The following DCC variants were observed in gnomAD, a reference collection of about 807,000 sequenced individuals.
DCC encodes the protein DCC netrin 1 receptor.
DCC carries 58 observed loss-of-function variants against 172.5 expected under a neutral mutation model. That is an observed-to-expected ratio of 0.34 (90% CI 0.27 to 0.42). DCC has a LOEUF of 0.42. DCC is among the 10% of genes least tolerant of loss of function. The pLI is 1.00. For synonymous variants in DCC, 709 were observed against 644.5 expected (o/e 1.10, Z -1.52); for missense variants, 1,740 against 1,791.0 (o/e 0.97, Z 0.51).
chr18:53,232,472 A>G (rs2056137451), intron 12 of DCC, among the ~76,000 whole-genome samples: 1 of 152,184 alleles, frequency 6.6e-6, no homozygotes, highest in Non-Finnish European at 1.5e-5. Context: ...TATTTCATGA[A>G]TGATGCTGAC....
At chr18:52,366,898 C>T (rs547280065) in intron 1 of DCC, among the ~76,000 whole-genome samples, 14 of 152,368 alleles carry the variant, frequency 9.2e-5, no homozygotes, top group Non-Finnish European at 8.8e-5. Context: ...CCGTGCCGTG[C>T]GCTCGCACTC....
chr18:52,543,872 G>A (rs2032535802), intron 1 of DCC, among the ~76,000 whole-genome samples: 1 of 152,204 alleles, frequency 6.6e-6, no homozygotes, highest in South Asian at 2.1e-4. Flanking sequence ...ATCAGAACCA[G>A]TTTCTGTAGT....
intron 21 of DCC, among the ~76,000 whole-genome samples, chr18:53,432,964 A>G (rs1413592136): frequency 6.6e-6 from 1 of 152,126 alleles, no homozygotes; most frequent in Admixed American, 6.6e-5. Context: ...GTGAATCACT[A>G]TAAATCTAAA....
intron 13 of DCC, among the ~76,000 whole-genome samples, chr18:53,306,214 A>G (rs1037654912): frequency 1.1e-4 from 16 of 152,234 alleles, no homozygotes; most frequent in African/African-American, 3.6e-4. Context: ...GATAGAATTC[A>G]GAGTAGATCA....
chr18:53,030,408 A>T (rs1012687044), intron 5 of DCC, among the ~76,000 whole-genome samples: 1 of 152,104 alleles, frequency 6.6e-6, no homozygotes, highest in African/African-American at 2.4e-5. Flanking sequence ...ACTCTTCAAC[A>T]TAAAGAACAG....
At chr18:53,029,537 A>G (rs138004615) in intron 5 of DCC, among the ~76,000 whole-genome samples, 1 of 152,144 alleles carries the variant, frequency 6.6e-6, no homozygotes, top group Non-Finnish European at 1.5e-5. Flanking sequence ...CCTTTACCAT[A>G]CTTCATGGAA....
chr18:52,739,727 T>G (rs2036788096), intron 1 of DCC, among the ~76,000 whole-genome samples: 1 of 152,226 alleles, frequency 6.6e-6, no homozygotes, highest in East Asian at 1.9e-4. Context: ...TCAGAGGCCA[T>G]GTGAATGCCG....
At chr18:53,483,349 G>A (rs958730605) in intron 25 of DCC, among the ~76,000 whole-genome samples, 1 of 151,750 alleles carries the variant, frequency 6.6e-6, no homozygotes, top group African/African-American at 2.4e-5. Context: ...GAAAAACTAT[G>A]TATCCCCTCA....
intron 1 of DCC, among the ~76,000 whole-genome samples, chr18:52,551,977 G>T (rs1170851041): frequency 6.6e-6 from 1 of 151,884 alleles, no homozygotes; most frequent in African/African-American, 2.4e-5. Context: ...GGGGGGTATT[G>T]ATGCATGTAA....
chr18:52,399,828 ATT>A (rs1313826417), intron 1 of DCC, among the ~76,000 whole-genome samples: 3 of 152,010 alleles, frequency 2.0e-5, no homozygotes, highest in Non-Finnish European at 4.4e-5. Context: ...TCTTATTCTT[ATT>A]AATATCGTTA....
At position 52,432,665 on chromosome 18, in the gene DCC, C is replaced by T. The variant is rs151212452; in HGVS notation, c.91+91787C>T. On this transcript the variant is annotated intron_variant, in intron 1 of 28. Transcript: ENST00000442544. ...TCTTTAATTCAAGGAGAATTGGCTG[C>T]GGATAAATACAAGTCAAACTTGAAA... Among the ~76,000 whole-genome samples the T allele has an allele frequency of 2.4e-3, 358 of 152,202 alleles. 2 individuals are homozygous for T. The highest frequency in any genetic ancestry group is 8.0e-3 in the African/African-American group (334 of 41,518).
At chr18:52,424,383 C>T (rs1987353111) in intron 1 of DCC, among the ~76,000 whole-genome samples, 1 of 152,128 alleles carries the variant, frequency 6.6e-6, no homozygotes. Flanking sequence ...ACCAGTAAGC[C>T]ATATTGCCTC....
intron 13 of DCC, among the ~76,000 whole-genome samples, chr18:53,317,784 G>A (rs939443841): frequency 2.6e-5 from 4 of 152,264 alleles, no homozygotes; most frequent in Non-Finnish European, 5.9e-5. Flanking sequence ...GGTGTTTATA[G>A]TATTCTCTGA....
At chr18:53,432,940 G>T (rs1455012732) in intron 21 of DCC, among the ~76,000 whole-genome samples, 1 of 152,074 alleles carries the variant, frequency 6.6e-6, no homozygotes. Context: ...TTTGGCTGAA[G>T]TGGTGCAAGA....
intron 5 of DCC, among the ~76,000 whole-genome samples, chr18:53,036,166 A>T (rs928649105): frequency 3.3e-5 from 5 of 152,028 alleles, no homozygotes; most frequent in African/African-American, 1.2e-4. Context: ...TTTACAAAAA[A>T]TTTAAGAAGA....
Position 52,925,234 on chromosome 18 carries a change from G to C in DCC, c.849G>C (p.Arg283Ser). Residue 283 changes from arginine (R) to serine (S), a missense_variant and splice_region_variant, in exon 5 of 29, where the codon AGG (arginine) becomes AGC (serine). This residue lies in a region of DCC where 1,732 missense variants were observed against 1,767.4 expected (regional missense o/e 0.98). Coordinates refer to ENST00000442544, the MANE Select transcript of DCC (RefSeq NM_005215.4). ...TCTGCACCTTCCCTATGTCTTGCAG[G>C]TCTAAAAAGTATTCTTTATTGGGTG... is the stretch of plus-strand genomic sequence containing the variant. Reference protein sequence around the residue: ...WLRGEEVIQLRSKKYSLLGGS... With the variant: ...WLRGEEVIQLSSKKYSLLGGS... 6.2e-7 allele frequency: 1 copy of C among 1,611,850 alleles called. No individual in the cohort carries two copies. The highest frequency in any genetic ancestry group is 1.7e-5 in the Admixed American group (1 of 59,890).
At chr18:52,775,524 C>T (rs969293857) in intron 2 of DCC, among the ~76,000 whole-genome samples, 3 of 152,182 alleles carry the variant, frequency 2.0e-5, no homozygotes, top group Non-Finnish European at 4.4e-5. Flanking sequence ...AGCTCTCAGC[C>T]AATGGGGGAG....
At position 52,433,283 on chromosome 18, in the gene DCC, A is replaced by G. The variant is rs115832493; in HGVS notation, c.91+92405A>G. Among the ~76,000 whole-genome samples the G allele has an allele frequency of 5.0e-3, 760 of 152,270 alleles. 7 individuals carry two copies. Among genetic ancestry groups the G allele is most frequent in the African/African-American group, 0.018 (731 of 41,572 alleles). On this transcript the variant is annotated intron_variant, in intron 1 of 28. Transcript: ENST00000442544. ...GTTTCAATTTCAAAATCATGTTTGAATTTATTAATTTATATTTGTTTACAG... is the reference window on the plus strand; with the variant it reads ...GTTTCAATTTCAAAATCATGTTTGAGTTTATTAATTTATATTTGTTTACAG...
intron 5 of DCC, among the ~76,000 whole-genome samples, chr18:53,038,651 C>T (rs2042126783): frequency 6.8e-6 from 1 of 147,752 alleles, no homozygotes; most frequent in Admixed American, 6.8e-5. Flanking sequence ...TTCATTGCCC[C>T]CAAATTCCAT....
Sources: gnomAD v4.1 joint callset for allele counts (sites outside exome capture counted in the v4.1 genomes callset) on GRCh38, gnomAD v4.1.1 for gene constraint, gnomAD v4.1.1 regional missense constraint, MANE v1.5 for transcripts, NCBI Gene and HGNC (gene_info 2026-07-23, HGNC 2026-07-21) for gene names.